The following LARP1 variants were observed in gnomAD, a reference collection of about 807,000 sequenced individuals.
LARP1 encodes La ribonucleoprotein 1, translational regulator, also known as la-related protein 1.
Under a neutral mutation model 122.7 loss-of-function variants are expected in LARP1, and 36 were observed. The observed-to-expected ratio is 0.29, with a 90% CI of 0.22 to 0.39. The LOEUF (loss-of-function observed/expected upper bound fraction) is 0.39. LARP1 is among the 10% of genes least tolerant of loss of function. LARP1 has a pLI of 1.00. For missense variants in LARP1, 1,040 were observed against 1,403.6 expected (o/e 0.74, Z 4.14); for synonymous variants, 539 against 528.7 (o/e 1.02, Z -0.27).
In LARP1 at chr5:154,814,515, GCCCACAAGAAGGCCCTGCGGGCCCC is replaced by G. The variant is rs1481891490; in HGVS notation, c.*424_*448del. On this transcript the variant is annotated 3_prime_UTR_variant, in exon 19 of 19. Transcript: ENST00000518297. ...TGCTCCCCCTCAAGCCAACTATGCA[GCCCACAAGAAGGCCCTGCGGGCCCC>G]CCCATTGCCCAGCACTGTCTCATAG... 1 of 152,796 alleles carries G rather than the reference GCCCACAAGAAGGCCCTGCGGGCCCC, an allele frequency of 6.5e-6. No homozygotes were observed. Among genetic ancestry groups the G allele is most frequent in the African/African-American group, 2.4e-5 (1 of 41,400 alleles). 9.5% of individuals were successfully genotyped at this position (152,796 alleles called of 1,614,324 possible). A position where few individuals can be genotyped will look rare whatever the true frequency, so the allele number is the denominator to read the frequency against.
chr5:154,757,633 A>G lies in LARP1; in HGVS notation c.436+1440A>G, dbSNP rs962511029. On this transcript the variant is annotated intron_variant, in intron 1 of 18. Coordinates refer to ENST00000518297, the MANE Select transcript of LARP1 (RefSeq NM_033551.3). ...GGGGAGCTTAATGTCTTCACCGTCA[A>G]AGGAGTAGAAGCACTGCTAGTCCTA... Among the ~76,000 whole-genome samples the G allele has an allele frequency of 3.9e-5, 6 of 152,260 alleles. 1 individual carries two copies. In the South Asian group the frequency reaches 1.2e-3, roughly 32 times the overall value.
intron 1 of LARP1, among the ~76,000 whole-genome samples, chr5:154,770,710 A>G (rs1316250524): frequency 1.3e-5 from 2 of 152,164 alleles, no homozygotes; most frequent in African/African-American, 4.8e-5. Context: ...GGGCAGAGTC[A>G]GAGCAAGCTG....
intron 1 of LARP1, among the ~76,000 whole-genome samples, chr5:154,784,162 G>A (rs140732069): frequency 6.6e-6 from 1 of 152,204 alleles, no homozygotes; most frequent in African/African-American, 2.4e-5. Context: ...GCCTCTTCTG[G>A]TGTGAAGTCG....
chr5:154,752,064 C>A (rs1753530249), upstream of LARP1, among the ~76,000 whole-genome samples: 1 of 152,080 alleles, frequency 6.6e-6, no homozygotes, highest in African/African-American at 2.4e-5. Context: ...CCTGCTTTGG[C>A]CTTTCAAAGT....
intron 1 of LARP1, among the ~76,000 whole-genome samples, chr5:154,724,858 G>A (rs1048896390): frequency 6.6e-6 from 1 of 152,024 alleles, no homozygotes; most frequent in African/African-American, 2.4e-5. Flanking sequence ...GTATAGATGG[G>A]GTTTCGTCAT....
At chr5:154,727,300 A>G (rs1202669763) in intron 1 of LARP1, among the ~76,000 whole-genome samples, 3 of 152,234 alleles carry the variant, frequency 2.0e-5, no homozygotes, top group Non-Finnish European at 1.5e-5. Flanking sequence ...AGGGCCTATT[A>G]TGATATAACT....
At chr5:154,709,056 A>T (rs990573884), upstream of LARP1, among the ~76,000 whole-genome samples, 2 of 152,230 alleles carry the variant, frequency 1.3e-5, no homozygotes, top group Non-Finnish European at 2.9e-5. Flanking sequence ...ATTGTGTCTC[A>T]ATATCCTCTG....
At chr5:154,747,341 G>A (rs1753248236) in intron 1 of LARP1, among the ~76,000 whole-genome samples, 1 of 151,488 alleles carries the variant, frequency 6.6e-6, no homozygotes, top group South Asian at 2.1e-4. Context: ...AAAGGCTGCT[G>A]TGGATCACCT....
At chr5:154,813,762 T>TTAAGG (rs1182994823) in intron 18 of LARP1, 125 bp from the exon 19 acceptor site, 1 of 795,992 alleles carries the variant, frequency 1.3e-6, no homozygotes, top group African/African-American at 1.7e-5. Context: ...TAATTTATTT[T>TTAAGG]TAAGGTTAAA....
chr5:154,758,446 T>C (rs2113570508), intron 1 of LARP1, among the ~76,000 whole-genome samples: 1 of 152,374 alleles, frequency 6.6e-6, no homozygotes, highest in South Asian at 2.1e-4. Context: ...GTTAATCCAG[T>C]AGCTTCTCTC....
chr5:154,708,806 TC>T (rs1755074659), upstream of LARP1, among the ~76,000 whole-genome samples: 1 of 152,098 alleles, frequency 6.6e-6, no homozygotes, highest in African/African-American at 2.4e-5. Flanking sequence ...AGACGGGGCT[TC>T]CCCATGTTGG....
chr5:154,693,853 C>T (rs766405036), intron 1 of LARP1, among the ~76,000 whole-genome samples: 58 of 104,580 alleles, frequency 5.5e-4, no homozygotes, highest in Non-Finnish European at 7.6e-4. Context: ...AAGACTCCGT[C>T]TAAAAAAAAA....
Position 154,756,157 on chromosome 5 carries a change from C to A in LARP1, c.400C>A (p.Pro134Thr). Residue 134 changes from proline (P) to threonine (T), a missense_variant, in exon 1 of 19, where the codon CCG (proline) becomes ACG (threonine). Transcript: ENST00000518297. The part of the protein sequence containing the change: ...VNPWTKNALP[P>T]VLTTVNGQSP... Reference sequence around the variant, plus strand: ...CCCGTGGACTAAGAACGCATTGCCGCCGGTCCTGACCACCGTGAACGGACA... The same window carrying A: ...CCCGTGGACTAAGAACGCATTGCCGACGGTCCTGACCACCGTGAACGGACA... 1 of 1,315,506 alleles carries A rather than the reference C, an allele frequency of 7.6e-7. No homozygotes were observed. Among genetic ancestry groups the A allele is most frequent in the Non-Finnish European group, 1.0e-6 (1 of 998,380 alleles). The allele number at this position is 1,315,506 out of a possible 1,614,324, so 81.5% of individuals were successfully genotyped here. A position where few individuals can be genotyped will look rare whatever the true frequency, so the allele number is the denominator to read the frequency against.
rs1466832777 is a variant in LARP1 at position 154,811,612 on chromosome 5, T to G, written c.3053T>G (p.Phe1018Cys). ...DPKLQEYLGK[F>C]RRLEDFRVDP... ...AAACTGCAAGAATACCTCGGCAAAT[T>G]CCGACGTCTTGAAGACTTCCGAGTA... The change falls in exon 18 of 19, where the codon TTC (phenylalanine) becomes TGC (cysteine). Residue 1018 changes from phenylalanine (F) to cysteine (C), a missense_variant. By Grantham distance (205) the Phe-to-Cys change is radical. This residue lies in a region of LARP1 where 129 missense variants were observed against 160.8 expected (regional missense o/e 0.80). Coordinates refer to ENST00000518297, the MANE Select transcript of LARP1 (RefSeq NM_033551.3). 4 of 1,614,036 alleles carry G rather than the reference T, an allele frequency of 2.5e-6. No homozygotes were observed. Among genetic ancestry groups the G allele is most frequent in the Non-Finnish European group, 3.4e-6 (4 of 1,180,034 alleles).
At chr5:154,764,674 G>A (rs959728319) in intron 1 of LARP1, among the ~76,000 whole-genome samples, 2 of 151,246 alleles carry the variant, frequency 1.3e-5, no homozygotes, top group East Asian at 3.9e-4. Flanking sequence ...GGAGGCCGAG[G>A]CGGGAGGGTC....
At chr5:154,698,622 A>T (rs1036668425) in intron 1 of LARP1, among the ~76,000 whole-genome samples, 1 of 151,994 alleles carries the variant, frequency 6.6e-6, no homozygotes, top group Non-Finnish European at 1.5e-5. Flanking sequence ...AATAAATAAA[A>T]ATTGATTGTA....
intron 1 of LARP1, chr5:154,685,811 T>G (rs745942187): frequency 6.9e-6 from 3 of 437,862 alleles, no homozygotes; most frequent in Non-Finnish European, 8.9e-6. Context: ...ACTCTACAAT[T>G]TTTTTTTTTT....
intron 3 of LARP1, among the ~76,000 whole-genome samples, 198 bp from the exon 4 acceptor site, chr5:154,792,424 T>C (rs1011442414): frequency 5.3e-5 from 8 of 152,226 alleles, no homozygotes; most frequent in Non-Finnish European, 1.0e-4. Flanking sequence ...ATAAGTTGCC[T>C]TCCCACCTTC....
At chr5:154,689,632 AAAAAG>A (rs1159847839) in intron 1 of LARP1, among the ~76,000 whole-genome samples, 6 of 151,726 alleles carry the variant, frequency 4.0e-5, no homozygotes, top group South Asian at 2.1e-4. Flanking sequence ...AAAAAAAAAA[AAAAAG>A]AAAGAAAAGA....
Sources: gnomAD v4.1 joint callset for allele counts (sites outside exome capture counted in the v4.1 genomes callset) on GRCh38, gnomAD v4.1.1 for gene constraint, gnomAD v4.1.1 regional missense constraint, MANE v1.5 for transcripts, NCBI Gene and HGNC (gene_info 2026-07-23, HGNC 2026-07-21) for gene names.